The following NTM variants were observed in gnomAD, a reference collection of about 807,000 sequenced individuals.
NTM encodes IgLON family member 2.
A neutral mutation model predicts 42.1 loss-of-function variants in NTM; 13 were observed. The ratio of observed to expected loss-of-function variants is 0.31; its 90% CI spans 0.20 to 0.49. The LOEUF (loss-of-function observed/expected upper bound fraction) is 0.49, where lower values mean the gene tolerates loss of function less well. NTM is among the 20% of genes least tolerant of loss of function. The probability of loss-of-function intolerance (pLI) is 0.99; values close to 1 mark genes in which losing one functional copy is unlikely to be tolerated. For missense variants in NTM, 373 were observed against 452.8 expected (o/e 0.82, Z 1.60); for synonymous variants, 187 against 179.2 (o/e 1.04, Z -0.35).
chr11:132,046,429 T>C (rs115236355), intron 2 of NTM, among the ~76,000 whole-genome samples: 1 of 152,094 alleles, frequency 6.6e-6, no homozygotes, highest in Non-Finnish European at 1.5e-5. Context: ...ACAGCAATTC[T>C]ACTGGCCAAT....
At chr11:132,114,391 C>A (rs958846179) in intron 2 of NTM, among the ~76,000 whole-genome samples, 14 of 152,126 alleles carry the variant, frequency 9.2e-5, no homozygotes, top group African/African-American at 3.1e-4. Flanking sequence ...CACGAGAGGG[C>A]AATGCAGGGC....
At chr11:131,552,190 G>C (rs1300443017) in intron 1 of NTM, among the ~76,000 whole-genome samples, 1 of 152,188 alleles carries the variant, frequency 6.6e-6, no homozygotes, top group Admixed American at 6.5e-5. Context: ...GGAAAAGAGA[G>C]AGAGAGGAAG....
chr11:132,279,996 AC>A, intron 4 of NTM, among the ~76,000 whole-genome samples: 1 of 152,204 alleles, frequency 6.6e-6, no homozygotes, highest in East Asian at 1.9e-4. Context: ...GTTGAAACAG[AC>A]CGCCATGGTA....
intron 2 of NTM, among the ~76,000 whole-genome samples, chr11:132,064,788 A>G (rs1339943809): frequency 6.6e-6 from 1 of 152,224 alleles, no homozygotes; most frequent in Non-Finnish European, 1.5e-5. Flanking sequence ...TAGGGGAGGC[A>G]GTGTAAGTGA....
intron 1 of NTM, among the ~76,000 whole-genome samples, chr11:131,398,946 A>G (rs953435563): frequency 6.6e-6 from 1 of 152,238 alleles, no homozygotes. Context: ...CCAGTGGTTG[A>G]GAAAAAATTA....
rs190050014 is a variant in NTM at position 131,593,798 on chromosome 11, A to G, written c.82+222910A>G. ...ATCATGTTTGTCTGTGTCTCTGGAC[A>G]TATCAGTTTCTGCACTTGGCAGGTT... On this transcript the variant is annotated intron_variant, in intron 1 of 8. Transcript: ENST00000683400. 3.3e-3 allele frequency among the ~76,000 whole-genome samples: 504 copies of G among 152,336 alleles called. 5 individuals carry two copies. Among genetic ancestry groups the G allele is most frequent in the Non-Finnish European group, 3.7e-3 (253 of 68,024 alleles).
intron 7 of NTM, among the ~76,000 whole-genome samples, chr11:132,323,848 C>T (rs1288248641): frequency 1.1e-4 from 16 of 143,996 alleles, no homozygotes; most frequent in African/African-American, 3.1e-4. Flanking sequence ...GGCTTCATCC[C>T]TGGGATGCAA....
chr11:132,045,863 C>A (rs1008308364), intron 2 of NTM, among the ~76,000 whole-genome samples: 4 of 152,216 alleles, frequency 2.6e-5, no homozygotes, highest in Non-Finnish European at 5.9e-5. Context: ...TTCTGAGCTT[C>A]TTCCATCTCT....
chr11:132,176,302 A>G (rs1233268126), intron 3 of NTM, among the ~76,000 whole-genome samples: 1 of 152,120 alleles, frequency 6.6e-6, no homozygotes, highest in Non-Finnish European at 1.5e-5. Flanking sequence ...GGCATTTCTA[A>G]AAGATGGGTT....
intron 1 of NTM, among the ~76,000 whole-genome samples, chr11:131,598,192 TC>T (rs34713114): frequency 0.42 from 64,536 of 151,970 alleles, 15,906 homozygotes; most frequent in East Asian, 0.6. Context: ...GTGGGAGAAT[TC>T]CCCCTGAAAA....
intron 1 of NTM, among the ~76,000 whole-genome samples, chr11:131,700,374 A>G (rs1222101676): frequency 6.6e-6 from 1 of 152,048 alleles, no homozygotes; most frequent in East Asian, 1.9e-4. Flanking sequence ...CTCATTCCAC[A>G]CTTTGTCTCT....
intron 1 of NTM, among the ~76,000 whole-genome samples, chr11:131,775,044 A>G (rs1337998428): frequency 6.6e-5 from 10 of 152,238 alleles, no homozygotes; most frequent in Non-Finnish European, 1.3e-4. Context: ...CGCCCAGTTT[A>G]CAGTCAGTAT....
At position 132,326,052 on chromosome 11, in the gene NTM, T is replaced by G. The variant is rs955965525; in HGVS notation, c.935-4101T>G. On this transcript the variant is annotated intron_variant, in intron 7 of 8. Transcript: ENST00000683400. ...GGACGGGGGAGGGATAGCATTAGGA[T>G]ATATACCTAATGCTAAATGACGAGT... 2.0e-5 allele frequency among the ~76,000 whole-genome samples: 3 copies of G among 152,048 alleles called. No homozygotes were observed. The East Asian group carries it at 5.8e-4, about 30-fold the overall frequency.
At chr11:131,371,113 A>G (rs1941110748) in intron 1 of NTM, 29 of 985,202 alleles carry the variant, frequency 2.9e-5, no homozygotes, top group Non-Finnish European at 3.5e-5. Flanking sequence ...CATAAGTAAA[A>G]TGTGTTTGGT....
chr11:131,834,796 A>C (rs7932005), intron 1 of NTM, among the ~76,000 whole-genome samples: 92,457 of 151,338 alleles, frequency 0.61, 28,598 homozygotes, highest in Admixed American at 0.7. Flanking sequence ...GGCATTTTTG[A>C]TCTGTAGCCC....
chr11:131,932,858 G>T (rs1367924401), intron 2 of NTM, among the ~76,000 whole-genome samples: 1 of 152,196 alleles, frequency 6.6e-6, no homozygotes, highest in Non-Finnish European at 1.5e-5. Context: ...GAACCGAATT[G>T]AGTGGAGCAA....
intron 1 of NTM, among the ~76,000 whole-genome samples, chr11:131,693,366 G>A (rs2075028296): frequency 6.6e-6 from 1 of 152,182 alleles, no homozygotes; most frequent in African/African-American, 2.4e-5. Context: ...CTGTCACCAT[G>A]ACAGCCTGAC....
At chr11:132,118,962 G>T (rs113413595) in intron 2 of NTM, among the ~76,000 whole-genome samples, 2 of 152,136 alleles carry the variant, frequency 1.3e-5, no homozygotes, top group African/African-American at 4.8e-5. Context: ...AGTAGAGATA[G>T]ATAGTGTATA....
At chr11:132,081,564 C>T (rs58892635) in intron 2 of NTM, among the ~76,000 whole-genome samples, 19,019 of 151,930 alleles carry the variant, frequency 0.13, 1,286 homozygotes, top group South Asian at 0.18. Flanking sequence ...AACCCCGTCT[C>T]TACTAAAAAT....
Sources: allele counts gnomAD v4.1 joint callset (sites outside exome capture counted in the v4.1 genomes callset), GRCh38; gene constraint gnomAD v4.1.1; transcripts MANE v1.5; gene names NCBI Gene and HGNC (gene_info 2026-07-23, HGNC 2026-07-21).